Variants in PLPPR5 observed in about 807,000 individuals in gnomAD.
The protein encoded by PLPPR5 is phospholipid phosphatase related 5, also known as phospholipid phosphatase-related protein type 5.
A neutral mutation model predicts 33.9 loss-of-function variants in PLPPR5; 16 were observed. The ratio of observed to expected loss-of-function variants is 0.47; its 90% CI spans 0.32 to 0.72. The LOEUF is 0.72. PLPPR5 is among the 30% of genes least tolerant of loss of function. The probability of loss-of-function intolerance (pLI) is 0.03; values close to 1 mark genes in which losing one functional copy is unlikely to be tolerated. For synonymous variants in PLPPR5, 163 were observed against 150.3 expected (o/e 1.08, Z -0.62); for missense variants, 301 against 406.7 (o/e 0.74, Z 2.23).
At chr1:98,979,421 T>G (rs1270731930) in intron 1 of PLPPR5, among the ~76,000 whole-genome samples, 1 of 152,100 alleles carries the variant, frequency 6.6e-6, no homozygotes, top group East Asian at 1.9e-4. Context: ...TGTGAGCTAT[T>G]CTCTAAGTGA....
chr1:98,936,353 C>T (rs1650168916), intron 3 of PLPPR5, among the ~76,000 whole-genome samples: 2 of 152,166 alleles, frequency 1.3e-5, no homozygotes, highest in South Asian at 4.1e-4. Context: ...CTGAAGGGTC[C>T]TGTGCTGTGC....
chr1:98,975,704 T>C (rs1277805671), intron 1 of PLPPR5, among the ~76,000 whole-genome samples: 2 of 152,160 alleles, frequency 1.3e-5, no homozygotes, highest in Middle Eastern at 6.8e-3. Context: ...CACATGAACA[T>C]ACTTTGTACC....
At chr1:99,003,075 A>ATG (rs1479353474) in intron 1 of PLPPR5, among the ~76,000 whole-genome samples, 1 of 136,132 alleles carries the variant, frequency 7.3e-6, no homozygotes, top group Non-Finnish European at 1.6e-5. Flanking sequence ...ATATATATAT[A>ATG]TATATATATA....
At chr1:98,950,863 T>A (rs898713484) in intron 3 of PLPPR5, among the ~76,000 whole-genome samples, 4 of 151,914 alleles carry the variant, frequency 2.6e-5, no homozygotes, top group African/African-American at 9.7e-5. Flanking sequence ...TTTTGCTTAT[T>A]TTTTTTTCTT....
intron 4 of PLPPR5, among the ~76,000 whole-genome samples, chr1:98,915,468 C>G (rs1192753600): frequency 6.6e-6 from 1 of 151,934 alleles, no homozygotes; most frequent in African/African-American, 2.4e-5. Context: ...CTGGGGCTAC[C>G]ACTGAAATAG....
chr1:98,932,279 T>A (rs1181116225), intron 3 of PLPPR5, among the ~76,000 whole-genome samples: 1 of 152,234 alleles, frequency 6.6e-6, no homozygotes, highest in Non-Finnish European at 1.5e-5. Flanking sequence ...AAGGCTGAGT[T>A]AGATACCTAA....
chr1:98,951,319 T>C (rs539212199), intron 3 of PLPPR5, among the ~76,000 whole-genome samples: 84 of 152,282 alleles, frequency 5.5e-4, no homozygotes, highest in Non-Finnish European at 1.0e-3. Context: ...CCATACCTCA[T>C]ATCAGGCCCA....
chr1:98,968,091 C>A (rs914480885), intron 1 of PLPPR5, among the ~76,000 whole-genome samples: 1 of 152,072 alleles, frequency 6.6e-6, no homozygotes, highest in African/African-American at 2.4e-5. Context: ...ACAAACACTT[C>A]CCTAGCAAAA....
At chr1:98,943,174 A>T (rs1185908936) in intron 3 of PLPPR5, among the ~76,000 whole-genome samples, 1 of 152,194 alleles carries the variant, frequency 6.6e-6, no homozygotes, top group Admixed American at 6.5e-5. Context: ...ATGGGAATGT[A>T]TGACATGAGG....
In PLPPR5 at chr1:98,939,757, G is replaced by A. The variant is rs114061133; in HGVS notation, c.621+13313C>T. Among the ~76,000 whole-genome samples the A allele has an allele frequency of 3.8e-3, 576 of 152,042 alleles. 7 individuals are homozygous for A. Among genetic ancestry groups the A allele is most frequent in the South Asian group, 0.018 (86 of 4,808 alleles). On this transcript the variant is annotated intron_variant, in intron 3 of 5. Coordinates refer to ENST00000263177, the MANE Select transcript of PLPPR5 (RefSeq NM_001037317.2). Reference sequence around the variant, plus strand: ...CTGGGTCCTGCAGTCACAGCCGTGTGTATCCTCAGCGTACCCTTCCTGTTG... The same window carrying A: ...CTGGGTCCTGCAGTCACAGCCGTGTATATCCTCAGCGTACCCTTCCTGTTG...
At chr1:98,924,691 G>A (rs1003057370) in intron 3 of PLPPR5, among the ~76,000 whole-genome samples, 7 of 152,156 alleles carry the variant, frequency 4.6e-5, no homozygotes, top group Non-Finnish European at 2.9e-5. Flanking sequence ...TAAAATGTGG[G>A]CTTGGGCTAC....
At chr1:98,955,174 C>T (rs1444236265) in intron 2 of PLPPR5, among the ~76,000 whole-genome samples, 1 of 152,058 alleles carries the variant, frequency 6.6e-6, no homozygotes, top group Non-Finnish European at 1.5e-5. Context: ...CCACTTATTA[C>T]AGCTAGAAAC....
At chr1:98,986,092 A>G (rs865800766) in intron 1 of PLPPR5, among the ~76,000 whole-genome samples, 7 of 152,022 alleles carry the variant, frequency 4.6e-5, no homozygotes, top group Non-Finnish European at 1.0e-4. Context: ...ATATTTTTTC[A>G]GTAACTTGAA....
intron 1 of PLPPR5, among the ~76,000 whole-genome samples, chr1:98,967,393 T>G (rs573656639): frequency 2.6e-5 from 4 of 152,204 alleles, no homozygotes; most frequent in Admixed American, 1.3e-4. Context: ...ACAACTTAGC[T>G]TGCACTTATT....
chr1:98,966,814 AC>A (rs1234109456), intron 1 of PLPPR5, among the ~76,000 whole-genome samples: 2 of 152,146 alleles, frequency 1.3e-5, no homozygotes. Flanking sequence ...TTATTAACTC[AC>A]TTTTCAACTG....
intron 5 of PLPPR5, among the ~76,000 whole-genome samples, chr1:98,899,336 C>G (rs1648599492): frequency 6.6e-6 from 1 of 152,274 alleles, no homozygotes; most frequent in South Asian, 2.1e-4. Flanking sequence ...GGTGTGAAAC[C>G]CAGATATCTT....
chr1:98,930,486 G>A (rs1390175764), intron 3 of PLPPR5, among the ~76,000 whole-genome samples: 1 of 152,022 alleles, frequency 6.6e-6, no homozygotes, highest in Non-Finnish European at 1.5e-5. Context: ...TTAGATTCTA[G>A]ATTATGAGAT....
intron 2 of PLPPR5, among the ~76,000 whole-genome samples, 196 bp downstream of exon 2, chr1:98,956,413 T>C (rs867922240): frequency 6.6e-6 from 1 of 152,194 alleles, no homozygotes; most frequent in Non-Finnish European, 1.5e-5. Context: ...GTAAGTTCTT[T>C]AGTGGTGATG....
intron 1 of PLPPR5, among the ~76,000 whole-genome samples, chr1:98,981,305 T>G (rs1026191910): frequency 6.6e-6 from 1 of 152,090 alleles, no homozygotes; most frequent in Admixed American, 6.6e-5. Context: ...AATACATTTT[T>G]GACTCAACAG....
Sources: gnomAD v4.1 joint callset for allele counts (sites outside exome capture counted in the v4.1 genomes callset) on GRCh38, gnomAD v4.1.1 for gene constraint, MANE v1.5 for transcripts, NCBI Gene and HGNC (gene_info 2026-07-23, HGNC 2026-07-21) for gene names.